The following CDH26 variants were observed in gnomAD, a reference collection of about 807,000 sequenced individuals.
CDH26 encodes the protein cadherin-like protein 26.
Under a neutral mutation model 90.3 loss-of-function variants are expected in CDH26, and 83 were observed. The observed-to-expected ratio is 0.92, with a 90% CI of 0.77 to 1.10. The LOEUF is 1.10. Ranked by LOEUF, CDH26 falls within the 50% of genes least tolerant of loss-of-function variation. CDH26 has a pLI of 0.00. For missense variants in CDH26, 1,013 were observed against 1,037.6 expected (o/e 0.98, Z 0.33); for synonymous variants, 397 against 396.3 (o/e 1.00, Z -0.02).
chr20:59,995,360 G>T (rs2061579723), intron 11 of CDH26, among the ~76,000 whole-genome samples: 1 of 152,146 alleles, frequency 6.6e-6, no homozygotes, highest in African/African-American at 2.4e-5. Flanking sequence ...GGCCCACCAG[G>T]TTGCCTGACC....
intron 3 of CDH26, among the ~76,000 whole-genome samples, chr20:59,971,504 G>C (rs1003169379): frequency 6.6e-6 from 1 of 152,166 alleles, no homozygotes; most frequent in Non-Finnish European, 1.5e-5. Context: ...AGGGATAATT[G>C]ATATTAATAA....
At chr20:60,025,388 A>G (rs1177292134) in intron 7 of CDH26, among the ~76,000 whole-genome samples, 7 of 152,280 alleles carry the variant, frequency 4.6e-5, no homozygotes, top group African/African-American at 1.7e-4. Flanking sequence ...ACTATTGCTT[A>G]ACAGATTCCT....
At chr20:60,008,415 T>C (rs1274112570) in intron 17 of CDH26, among the ~76,000 whole-genome samples, 1 of 152,094 alleles carries the variant, frequency 6.6e-6, no homozygotes, top group Non-Finnish European at 1.5e-5. Context: ...GATTTGGGGC[T>C]CAAATACAGG....
At chr20:59,966,133 A>G (rs2145968978) in intron 1 of CDH26, among the ~76,000 whole-genome samples, 1 of 151,846 alleles carries the variant, frequency 6.6e-6, no homozygotes, top group Non-Finnish European at 1.5e-5. Context: ...TCGAAGTGAA[A>G]GCTCACTTTG....
intron 1 of CDH26, among the ~76,000 whole-genome samples, chr20:59,964,102 C>G (rs2061114742): frequency 6.6e-6 from 1 of 152,190 alleles, no homozygotes; most frequent in Non-Finnish European, 1.5e-5. Flanking sequence ...ATTTTTAGGA[C>G]TCGAATTCTG....
intron 17 of CDH26, among the ~76,000 whole-genome samples, chr20:60,009,425 T>C (rs2063950693): frequency 6.6e-6 from 1 of 152,200 alleles, no homozygotes. Flanking sequence ...CATTTTCACA[T>C]TTGCGCACAC....
At chr20:60,012,249 G>C (rs1364729471) in intron 17 of CDH26, among the ~76,000 whole-genome samples, 2 of 152,098 alleles carry the variant, frequency 1.3e-5, no homozygotes, top group African/African-American at 4.8e-5. Flanking sequence ...GAATCTGCAA[G>C]AGGGTGGGAG....
In CDH26 at chr20:59,971,957, T is replaced by A. The variant is rs1328611218; in HGVS notation, c.232-5T>A. ...TTTTCTTCTTTCCATTTTTCCTCCT[T>A]CCAGCTGTTCAATAATATGTCTTAT... On this transcript the variant is annotated splice_polypyrimidine_tract_variant and splice_region_variant and intron_variant, in intron 3 of 17. Coordinates refer to ENST00000348616, the MANE Select transcript of CDH26 (RefSeq NM_177980.4). The A allele has an allele frequency of 6.2e-7, 1 of 1,610,510 alleles. No homozygotes were observed. The highest frequency in any genetic ancestry group is 1.1e-5 in the South Asian group (1 of 90,824).
At chr20:59,996,797 G>A (rs2061604114) in intron 13 of CDH26, 36 bp downstream of exon 13, 1 of 1,613,492 alleles carries the variant, frequency 6.2e-7, no homozygotes, top group Admixed American at 1.7e-5. Flanking sequence ...TTATGGCAAG[G>A]AATTCACTAA....
chr20:60,035,078 C>T (rs1365779504), downstream of CDH26, among the ~76,000 whole-genome samples: 1 of 152,220 alleles, frequency 6.6e-6, no homozygotes, highest in African/African-American at 2.4e-5. Context: ...AATTTATTCA[C>T]CTAACAATCC....
At chr20:60,012,390 C>T in intron 17 of CDH26, 137 bp from the exon 18 acceptor site, 1 of 727,658 alleles carries the variant, frequency 1.4e-6, no homozygotes, top group Non-Finnish European at 2.2e-6. Flanking sequence ...ACTGTACGAA[C>T]TCCTGTGTCA....
intron 5 of CDH26, 115 bp from the exon 6 acceptor site, chr20:59,984,524 A>T: frequency 1.4e-6 from 1 of 706,832 alleles, no homozygotes; most frequent in Non-Finnish European, 2.3e-6. Context: ...TTATATTTAA[A>T]CATTCCACTC....
At chr20:60,005,595 G>A (rs2061738083) in intron 16 of CDH26, among the ~76,000 whole-genome samples, 2 of 152,032 alleles carry the variant, frequency 1.3e-5, no homozygotes, top group South Asian at 4.1e-4. Context: ...AACCCAATAA[G>A]TATCCCTAAA....
At chr20:60,028,430 G>A (rs990132073) in intron 7 of CDH26, among the ~76,000 whole-genome samples, 1 of 152,240 alleles carries the variant, frequency 6.6e-6, no homozygotes, top group African/African-American at 2.4e-5. Context: ...GGCCTGACAT[G>A]TAGTAGGCAC....
Position 60,030,613 on chromosome 20 carries a change from A to G in CDH26, c.948-618A>G, listed in dbSNP as rs532443169. Among the ~76,000 whole-genome samples the G allele has an allele frequency of 6.6e-6, 1 of 152,190 alleles. No homozygotes were observed. Among genetic ancestry groups the G allele is most frequent in the Admixed American group, 6.5e-5 (1 of 15,286 alleles). ...ATTTTACCCAAACTGAGCCAGTGAG[A>G]GTGGGGCCCAGGGTCTTTCCAACTC... On this transcript the variant is annotated intron_variant, in intron 7 of 8. Coordinates refer to the CDH26 transcript ENST00000370991. This position sits in a 1 kb window ranked among gnomAD's most constrained non-coding sequence, Gnocchi z 4.0.
chr20:59,971,913 G>T lies in CDH26; in HGVS notation c.232-49G>T, dbSNP rs757074450. 13 of 1,491,658 alleles carry T rather than the reference G, an allele frequency of 8.7e-6. No homozygotes were observed. In the South Asian group the frequency reaches 1.4e-4, roughly 16 times the overall value. 92.4% of individuals were successfully genotyped at this position (1,491,658 alleles called of 1,614,324 possible). ...GCCTTGATACTTGATTATCATAGTG[G>T]CTTATTCTCATCCTCCTTTTTTCTT... On this transcript the variant is annotated intron_variant, in intron 3 of 17. Transcript: ENST00000348616.
At chr20:59,961,693 T>C (rs2061076724) in intron 1 of CDH26, among the ~76,000 whole-genome samples, 1 of 152,186 alleles carries the variant, frequency 6.6e-6, no homozygotes, top group Non-Finnish European at 1.5e-5. Context: ...TTCTTTGTCA[T>C]TTGGCCATGA....
chr20:59,999,732 A>G, intron 14 of CDH26, 69 bp downstream of exon 14: 2 of 1,443,956 alleles, frequency 1.4e-6, no homozygotes, highest in Non-Finnish European at 1.9e-6. Context: ...CTGACAAGGA[A>G]CACCTGGGAT....
At chr20:60,009,809 A>C (rs2061805903) in intron 17 of CDH26, among the ~76,000 whole-genome samples, 2 of 152,136 alleles carry the variant, frequency 1.3e-5, no homozygotes, top group South Asian at 2.1e-4. Flanking sequence ...CCCCCACTGC[A>C]GATTCTGTTT....
Sources: gnomAD v4.1 joint callset for allele counts (sites outside exome capture counted in the v4.1 genomes callset) on GRCh38, gnomAD v4.1.1 for gene constraint, Gnocchi (gnomAD v3.1) non-coding constraint, MANE v1.5 for transcripts, NCBI Gene and HGNC (gene_info 2026-07-23, HGNC 2026-07-21) for gene names.